The following THRB variants were observed in gnomAD, a reference collection of about 807,000 sequenced individuals.
THRB encodes nuclear receptor subfamily 1 group A member 2.
Under a neutral mutation model 47.8 loss-of-function variants are expected in THRB, and 12 were observed. The observed-to-expected ratio is 0.25, with a 90% CI of 0.16 to 0.41. The LOEUF (loss-of-function observed/expected upper bound fraction) is 0.41, where lower values mean the gene tolerates loss of function less well. THRB is among the 10% of genes least tolerant of loss of function. THRB has a pLI of 1.00. For synonymous variants in THRB, 218 were observed against 212.2 expected (o/e 1.03, Z -0.24); for missense variants, 348 against 589.2 (o/e 0.59, Z 4.24).
chr3:24,225,077 A>C (rs1282706285), intron 4 of THRB, among the ~76,000 whole-genome samples: 1 of 152,246 alleles, frequency 6.6e-6, no homozygotes, highest in African/African-American at 2.4e-5. Flanking sequence ...ATCACTATGA[A>C]CAAGCAAGTT....
intron 2 of THRB, among the ~76,000 whole-genome samples, chr3:24,328,232 T>C (rs1378609147): frequency 6.6e-6 from 1 of 152,184 alleles, no homozygotes; most frequent in African/African-American, 2.4e-5. Flanking sequence ...ATCAATAGCC[T>C]TTATTTTAGA....
intron 7 of THRB, chr3:24,144,028 A>C: frequency 2.6e-6 from 1 of 387,244 alleles, no homozygotes. Flanking sequence ...TAAAATCCAT[A>C]CTACCCACAA....
At chr3:24,216,790 C>T (rs1362245330) in intron 4 of THRB, among the ~76,000 whole-genome samples, 1 of 152,078 alleles carries the variant, frequency 6.6e-6, no homozygotes, top group Non-Finnish European at 1.5e-5. Flanking sequence ...TACGAATGTT[C>T]TGATTTATCC....
chr3:24,441,864 C>T lies in THRB; in HGVS notation c.-261+52788G>A, dbSNP rs1202902617. Among the ~76,000 whole-genome samples the T allele has an allele frequency of 2.6e-5, 4 of 152,094 alleles. No homozygotes were observed. In the East Asian group the frequency reaches 7.7e-4, roughly 29 times the overall value. ...AAAAACATTTTTAAAAGACTTGAGC[C>T]CCTTCCCTGTAAGTTGCTGGCTCCC... is the stretch of plus-strand genomic sequence containing the variant. On this transcript the variant is annotated intron_variant, in intron 1 of 10. Transcript: ENST00000646209.
chr3:24,366,632 T>G (rs2064486178), intron 1 of THRB, among the ~76,000 whole-genome samples: 1 of 150,766 alleles, frequency 6.6e-6, no homozygotes, highest in African/African-American at 2.4e-5. Flanking sequence ...TTTTTTTTTT[T>G]TTTTTTTGAG....
intron 1 of THRB, among the ~76,000 whole-genome samples, chr3:24,471,679 G>C (rs1230700835): frequency 2.0e-5 from 3 of 152,140 alleles, no homozygotes; most frequent in African/African-American, 4.8e-5. Flanking sequence ...CTGAGGCAGA[G>C]AGCCAGAGGG....
chr3:24,269,442 CTTAA>C (rs1431519962), intron 3 of THRB, among the ~76,000 whole-genome samples: 1 of 141,118 alleles, frequency 7.1e-6, no homozygotes, highest in African/African-American at 2.7e-5. Flanking sequence ...CACACACACA[CTTAA>C]GTTATCTTCG....
At position 24,342,533 on chromosome 3, in the gene THRB, T is replaced by C. The variant is rs182524075; in HGVS notation, c.-260-5162A>G. ...GAGATACTGTCTGAGGCAGAGAGAG[T>C]GGAGAAGAAATACCCTGGCTTCTCC... On this transcript the variant is annotated intron_variant, in intron 1 of 10. Coordinates refer to ENST00000646209, the MANE Select transcript of THRB (RefSeq NM_001354712.2). Among the ~76,000 whole-genome samples, 168 of 151,866 alleles carry C rather than the reference T, an allele frequency of 1.1e-3. 1 individual carries two copies. Among genetic ancestry groups the C allele is most frequent in the Middle Eastern group, 3.4e-3 (1 of 294 alleles).
intron 8 of THRB, among the ~76,000 whole-genome samples, chr3:24,135,182 C>T (rs190082514): frequency 7.8e-4 from 119 of 152,294 alleles, no homozygotes; most frequent in African/African-American, 2.7e-3. Context: ...CCCTTGCCTC[C>T]TCCCGCATAT....
At chr3:24,157,416 C>G (rs977255642) in intron 5 of THRB, among the ~76,000 whole-genome samples, 1 of 151,962 alleles carries the variant, frequency 6.6e-6, no homozygotes, top group Non-Finnish European at 1.5e-5. Context: ...GCCAAAGGAC[C>G]CTGGATTCTC....
chr3:24,200,359 C>T (rs1373186280), intron 4 of THRB, among the ~76,000 whole-genome samples: 1 of 152,112 alleles, frequency 6.6e-6, no homozygotes, highest in Non-Finnish European at 1.5e-5. Context: ...TCTTTTCTGA[C>T]TTTGGAAACT....
chr3:24,226,081 T>C (rs62253722), intron 4 of THRB, among the ~76,000 whole-genome samples: 11,141 of 152,268 alleles, frequency 0.073, 617 homozygotes, highest in East Asian at 0.25. Context: ...ATGCCTCATT[T>C]ATCTGAAAAT....
At chr3:24,186,104 C>G (rs1400932018) in intron 5 of THRB, among the ~76,000 whole-genome samples, 3 of 152,118 alleles carry the variant, frequency 2.0e-5, no homozygotes. Context: ...GGTGGCAGAC[C>G]CTTTCCTGTG....
At chr3:24,277,055 G>A (rs1439958582) in intron 3 of THRB, among the ~76,000 whole-genome samples, 1 of 152,210 alleles carries the variant, frequency 6.6e-6, no homozygotes, top group Non-Finnish European at 1.5e-5. Context: ...AGAAGGGAAA[G>A]CAAATATCTT....
chr3:24,417,768 G>A (rs2068885209), intron 1 of THRB, among the ~76,000 whole-genome samples: 2 of 151,924 alleles, frequency 1.3e-5, no homozygotes, highest in South Asian at 4.1e-4. Context: ...TCGCATGCCA[G>A]CACTTTATAT....
At chr3:24,453,972 G>A (rs760064544) in intron 1 of THRB, among the ~76,000 whole-genome samples, 1 of 152,004 alleles carries the variant, frequency 6.6e-6, no homozygotes, top group Non-Finnish European at 1.5e-5. Flanking sequence ...AATAACCTCT[G>A]TATTATTTTA....
At chr3:24,301,873 A>C (rs1418879128) in intron 2 of THRB, among the ~76,000 whole-genome samples, 1 of 152,230 alleles carries the variant, frequency 6.6e-6, no homozygotes, top group Non-Finnish European at 1.5e-5. Context: ...CTATGGAAGA[A>C]GGGTTGGAGA....
At chr3:24,491,697 T>C (rs1466765731) in intron 1 of THRB, among the ~76,000 whole-genome samples, 3 of 152,194 alleles carry the variant, frequency 2.0e-5, no homozygotes, top group Non-Finnish European at 2.9e-5. Context: ...AGGGCTGCCA[T>C]TGCCAGAGGC....
At chr3:24,492,170 C>A (rs1024894068) in intron 1 of THRB, among the ~76,000 whole-genome samples, 2 of 152,084 alleles carry the variant, frequency 1.3e-5, no homozygotes, top group African/African-American at 4.8e-5. Context: ...ATTTATTCAC[C>A]AAAGAGTTAT....
Sources: allele counts gnomAD v4.1 joint callset (sites outside exome capture counted in the v4.1 genomes callset), GRCh38; gene constraint gnomAD v4.1.1; transcripts MANE v1.5; gene names NCBI Gene and HGNC (gene_info 2026-07-23, HGNC 2026-07-21).